TCOF1: variants seen among roughly 807,000 people sequenced by gnomAD.
TCOF1 encodes the protein treacle ribosome biogenesis factor 1.
In TCOF1, 33 loss-of-function variants were observed where a neutral mutation model predicts 149.0. The observed-to-expected ratio is 0.22, with a 90% CI of 0.17 to 0.30. TCOF1 has a LOEUF of 0.30. TCOF1 is among the 10% of genes least tolerant of loss of function. The probability of loss-of-function intolerance (pLI) is 1.00; values close to 1 mark genes in which losing one functional copy is unlikely to be tolerated. For synonymous variants in TCOF1, 789 were observed against 738.8 expected (o/e 1.07, Z -1.10); for missense variants, 1,728 against 1,840.7 (o/e 0.94, Z 1.12).
chr5:150,384,933 A>G, intron 17 of TCOF1: 1 of 985,394 alleles, frequency 1.0e-6, no homozygotes, highest in South Asian at 4.7e-5. Flanking sequence ...GCAGAGTCCC[A>G]GGCTGGGAGG....
At chr5:150,392,945 CCAGCCAGCAGACCA>C (rs1767745473) in intron 22 of TCOF1, 155 bp downstream of exon 22, 22 of 907,694 alleles carry the variant, frequency 2.4e-5, no homozygotes, top group Non-Finnish European at 3.8e-5. Context: ...CACGTGTGGC[CCAGCCAGCAGACCA>C]CAGCCAGGCT....
chr5:150,370,558 G>A (rs916765445), intron 6 of TCOF1, among the ~76,000 whole-genome samples: 2 of 152,128 alleles, frequency 1.3e-5, no homozygotes, highest in Non-Finnish European at 2.9e-5. Context: ...GTTTCACCAT[G>A]TTGGCCAGGC....
Position 150,364,178 on chromosome 5 carries a change from G to A in TCOF1, c.230G>A (p.Arg77His), listed in dbSNP as rs145365677. The change falls in exon 3 of 27, where the codon CGT becomes CAT. Residue 77 changes from arginine (R) to histidine (H), a missense_variant. Physicochemically the swap from Arg to His is conservative, Grantham distance 29 (BLOSUM62 0). This residue lies in a region of TCOF1 where 1,696 missense variants were observed against 1,765.4 expected (regional missense o/e 0.96). Transcript: ENST00000643257. ...GCGGCACTGCAAGCTAAGAAAACCC[G>A]TGTGTCAGACCCCATCAGCACCTCG... ...EDAALQAKKTRVSDPISTSES... is the reference protein window; with the variant it reads ...EDAALQAKKTHVSDPISTSES... The A allele has an allele frequency of 7.7e-5, 124 of 1,614,042 alleles. No individual in the cohort carries two copies. The highest frequency in any genetic ancestry group is 8.1e-5 in the Non-Finnish European group (96 of 1,180,028).
chr5:150,382,774 G>A (rs1042581108), intron 17 of TCOF1, among the ~76,000 whole-genome samples: 1 of 152,344 alleles, frequency 6.6e-6, no homozygotes, highest in Non-Finnish European at 1.5e-5. Context: ...ACCTCTTGTC[G>A]AGACATTGGG....
At position 150,372,098 on chromosome 5, in the gene TCOF1, G is replaced by A. The variant is rs759788233; in HGVS notation, c.732G>A (p.Lys244=). Residue 244 remains lysine (K), a synonymous_variant, in exon 7 of 27, where the codon AAG becomes AAA. Transcript: ENST00000643257. Reference sequence around the variant, plus strand: ...GAAAGGCGGCCCCAGCCCCTGGGAAGGTGGGGGATGTGACACCCCAGGTCA... The same window carrying A: ...GAAAGGCGGCCCCAGCCCCTGGGAAAGTGGGGGATGTGACACCCCAGGTCA... ...PARKAAPAPG[K]VGDVTPQVKG... is the part of the protein sequence containing the mutation. 9 of 1,614,110 alleles carry A rather than the reference G, an allele frequency of 5.6e-6. No homozygotes were observed. The South Asian group carries it at 6.6e-5, about 12-fold the overall frequency.
chr5:150,367,321 C>A (rs1227170709), intron 3 of TCOF1, among the ~76,000 whole-genome samples: 3 of 152,142 alleles, frequency 2.0e-5, no homozygotes, highest in Non-Finnish European at 4.4e-5. Context: ...TAAATAAGCA[C>A]TGAGAATCAG....
intron 21 of TCOF1, chr5:150,392,412 T>TG (rs1434854065): frequency 1.6e-6 from 1 of 612,906 alleles, no homozygotes. Flanking sequence ...CTCCCTTCAC[T>TG]GGCTCCCAAA....
Position 150,357,697 on chromosome 5 carries a change from G to A in TCOF1, c.-50G>A, listed in dbSNP as rs1002173170. 6.7e-7 allele frequency: 1 copy of A among 1,498,152 alleles called. No individual in the cohort carries two copies. Among genetic ancestry groups the A allele is most frequent in the Non-Finnish European group, 9.0e-7 (1 of 1,105,378 alleles). The allele number at this position is 1,498,152 out of a possible 1,614,324, so 92.8% of individuals were successfully genotyped here. Reference sequence around the variant, plus strand: ...TAAGGGCGCGAGGGAAGTGGCGGGCGGGGACTAAGGCGGGGCGTGCAGGTA... The same window carrying A: ...TAAGGGCGCGAGGGAAGTGGCGGGCAGGGACTAAGGCGGGGCGTGCAGGTA... On this transcript the variant is annotated 5_prime_UTR_variant, in exon 1 of 27. Transcript: ENST00000643257.
chr5:150,368,958 G>A, intron 5 of TCOF1, 56 bp downstream of exon 5: 1 of 1,603,194 alleles, frequency 6.2e-7, no homozygotes, highest in Non-Finnish European at 8.5e-7. Context: ...TGGTGAGGCA[G>A]GCCTAGGCAT....
chr5:150,371,803 A>G (rs1241892257), intron 6 of TCOF1, among the ~76,000 whole-genome samples: 2 of 152,280 alleles, frequency 1.3e-5, no homozygotes, highest in South Asian at 2.1e-4. Context: ...GTCCCTTCAT[A>G]TTGATCATGA....
At chr5:150,358,536 G>A (rs1759213596) in intron 1 of TCOF1, among the ~76,000 whole-genome samples, 1 of 152,126 alleles carries the variant, frequency 6.6e-6, no homozygotes, top group Admixed American at 6.5e-5. Flanking sequence ...CGCAATAAGT[G>A]TTAAGAATGA....
Position 150,374,624 on chromosome 5 carries a change from C to A in TCOF1, c.1091C>A (p.Ala364Asp), listed in dbSNP as rs745940724. The A allele has an allele frequency of 1.2e-6, 2 of 1,612,952 alleles. No individual in the cohort carries two copies. The highest frequency in any genetic ancestry group is 2.2e-5 in the South Asian group (2 of 91,014). The change falls in exon 9 of 27, where the codon GCC becomes GAC. Residue 364 changes from alanine to aspartate, a missense_variant. Physicochemically the swap from Ala to Asp is moderately radical, Grantham distance 126. This residue lies in a region of TCOF1 where 1,696 missense variants were observed against 1,765.4 expected (regional missense o/e 0.96). Coordinates refer to ENST00000643257, the MANE Select transcript of TCOF1 (RefSeq NM_001371623.1). ...CTTGTCTTGTTTCTCCAGGCGAAGG[C>A]CTCAGGAAAAACCTCTCAGGTCGGA... is the stretch of plus-strand genomic sequence containing the variant. Reference protein sequence around the residue: ...PAAKALLQAKASGKTSQVGAA... With the variant: ...PAAKALLQAKDSGKTSQVGAA...
In TCOF1 at chr5:150,399,084, T is replaced by C; in HGVS notation, c.*22+14T>C. The C allele has an allele frequency of 6.2e-7, 1 of 1,614,188 alleles. No individual in the cohort carries two copies. Among genetic ancestry groups the C allele is most frequent in the Non-Finnish European group, 8.5e-7 (1 of 1,180,018 alleles). On this transcript the variant is annotated intron_variant, in intron 26 of 26. Coordinates refer to ENST00000643257, the MANE Select transcript of TCOF1 (RefSeq NM_001371623.1). ...CACCAGGCACAGGTACGCTTCCCAATCATTCCTGAGCATTCAGGGTGGGAG... is the reference window on the plus strand; with the variant it reads ...CACCAGGCACAGGTACGCTTCCCAACCATTCCTGAGCATTCAGGGTGGGAG...
At chr5:150,399,214 A>G in intron 26 of TCOF1, 144 bp downstream of exon 26, 3 of 1,116,594 alleles carry the variant, frequency 2.7e-6, no homozygotes, top group Non-Finnish European at 4.0e-6. Flanking sequence ...CCAAGGGTCC[A>G]TGGGGCCACT....
Position 150,375,108 on chromosome 5 carries a change from G to A in TCOF1, c.1433G>A (p.Ser478Asn). 2 of 1,614,140 alleles carry A rather than the reference G, an allele frequency of 1.2e-6. No homozygotes were observed. The highest frequency in any genetic ancestry group is 1.7e-6 in the Non-Finnish European group (2 of 1,180,010). The change falls in exon 10 of 27, where the codon AGC becomes AAC. Residue 478 changes from serine (S) to asparagine (N), a missense_variant. This residue lies in a region of TCOF1 where 1,696 missense variants were observed against 1,765.4 expected (regional missense o/e 0.96). Coordinates refer to ENST00000643257, the MANE Select transcript of TCOF1 (RefSeq NM_001371623.1). ...AAGCAGGAGGAGGACTCAAGAAGCA[G>A]CAGCGAGGAGTCAGACAGTGACAGA... ...VGKQEEDSRS[S>N]SEESDSDREA...
At position 150,374,256 on chromosome 5, in the gene TCOF1, C is replaced by T. The variant is rs1763190197; in HGVS notation, c.953C>T (p.Ala318Val). The T allele has an allele frequency of 2.5e-6, 4 of 1,608,782 alleles. No homozygotes were observed. Among genetic ancestry groups the T allele is most frequent in the Non-Finnish European group, 3.4e-6 (4 of 1,177,518 alleles). ...KGTPGKGATP[A>V]PPGKAGAVAS... ...ACCCCTGGGAAAGGGGCTACCCCAG[C>T]ACCCCCTGGGAAGGCAGGGGCTGTA... Residue 318 changes from alanine (A) to valine (V), a missense_variant, in exon 8 of 27, where the codon GCA becomes GTA. Physicochemically the swap from Ala to Val is moderately conservative, Grantham distance 64 (BLOSUM62 0). Coordinates refer to ENST00000643257, the MANE Select transcript of TCOF1 (RefSeq NM_001371623.1).
At chr5:150,362,012 C>T (rs915307226) in intron 2 of TCOF1, among the ~76,000 whole-genome samples, 5 of 152,160 alleles carry the variant, frequency 3.3e-5, no homozygotes, top group African/African-American at 9.7e-5. Context: ...CACCATCGTC[C>T]AGGCAAGAGC....
In TCOF1 at chr5:150,368,762, C is replaced by G; in HGVS notation, c.425C>G (p.Pro142Arg). 1.2e-6 allele frequency: 2 copies of G among 1,614,122 alleles called. No homozygotes were observed. Among genetic ancestry groups the G allele is most frequent in the African/African-American group, 2.7e-5 (2 of 75,058 alleles). ...AAGACTGGGAATTCCATGCCACACC[C>G]TGCCACTGGGAAGACGGTGGCCAAC... The part of the protein sequence containing the change: ...AGKTGNSMPH[P>R]ATGKTVANLL... The change falls in exon 5 of 27, where the codon CCT becomes CGT. Residue 142 changes from proline to arginine, a missense_variant. By Grantham distance (103) the Pro-to-Arg change is moderately radical. Transcript: ENST00000643257.
rs1303341435 is a variant in TCOF1, at chr5:150,375,090, A to T, written c.1415A>T (p.Glu472Val). 8.7e-6 allele frequency: 14 copies of T among 1,614,058 alleles called. No individual in the cohort carries two copies. In the South Asian group the frequency reaches 1.5e-4, roughly 18 times the overall value. Residue 472 changes from glutamate (E) to valine (V), a missense_variant, in exon 10 of 27, where the codon GAG becomes GTG. Transcript: ENST00000643257. ...GCCCAGGTCCAGGTGGGGAAGCAGG[A>T]GGAGGACTCAAGAAGCAGCAGCGAG... is the stretch of plus-strand genomic sequence containing the variant. Reference protein sequence around the residue: ...AAAQVQVGKQEEDSRSSSEES... With the variant: ...AAAQVQVGKQVEDSRSSSEES...
Sources: gnomAD v4.1 joint callset for allele counts (sites outside exome capture counted in the v4.1 genomes callset) on GRCh38, gnomAD v4.1.1 for gene constraint, gnomAD v4.1.1 regional missense constraint, MANE v1.5 for transcripts, NCBI Gene and HGNC (gene_info 2026-07-23, HGNC 2026-07-21) for gene names.